MSRA: variants seen among roughly 807,000 people sequenced by gnomAD.
MSRA encodes the protein methionine sulfoxide reductase A, also known as mitochondrial peptide methionine sulfoxide reductase.
MSRA carries 54 observed loss-of-function variants against 31.3 expected under a neutral mutation model. The observed-to-expected ratio is 1.73, with a 90% CI of 1.39 to 2.17. The LOEUF (loss-of-function observed/expected upper bound fraction) is 2.17, where lower values mean the gene tolerates loss of function less well. MSRA is among the 30% of genes most tolerant of loss of function. The pLI is 0.00. For missense variants in MSRA, 507 were observed against 300.9 expected (o/e 1.69, Z -5.07); for synonymous variants, 169 against 116.5 (o/e 1.45, Z -2.90).
intron 5 of MSRA, among the ~76,000 whole-genome samples, chr8:10,366,367 C>A (rs746123236): frequency 6.6e-6 from 1 of 152,218 alleles, no homozygotes; most frequent in Non-Finnish European, 1.5e-5. Context: ...TCGGAAGATG[C>A]GAGGGCCCCA....
chr8:10,184,770 C>G (rs1806872151), intron 1 of MSRA, among the ~76,000 whole-genome samples: 1 of 152,142 alleles, frequency 6.6e-6, no homozygotes, highest in African/African-American at 2.4e-5. Flanking sequence ...AGTTAGTTTA[C>G]ATGTCAAAGG....
chr8:10,313,487 AC>A (rs1405947437), intron 4 of MSRA, among the ~76,000 whole-genome samples: 1 of 152,084 alleles, frequency 6.6e-6, no homozygotes, highest in Non-Finnish European at 1.5e-5. Context: ...AAAACAAAAA[AC>A]AAACAAACAA....
chr8:10,367,727 C>G (rs1192378653), intron 5 of MSRA, among the ~76,000 whole-genome samples: 2 of 152,210 alleles, frequency 1.3e-5, no homozygotes, highest in African/African-American at 4.8e-5. Flanking sequence ...TGCTCTGTCT[C>G]CGGCGCTGGC....
intron 5 of MSRA, among the ~76,000 whole-genome samples, chr8:10,372,162 C>T (rs1412411186): frequency 6.6e-6 from 1 of 152,136 alleles, no homozygotes; most frequent in African/African-American, 2.4e-5. Flanking sequence ...CCAGGCAGGG[C>T]CTTCCCACCT....
At chr8:10,244,253 G>T (rs1032502631) in intron 2 of MSRA, among the ~76,000 whole-genome samples, 3 of 152,136 alleles carry the variant, frequency 2.0e-5, no homozygotes, top group African/African-American at 7.2e-5. Flanking sequence ...AACACCAATT[G>T]TACTGGACAG....
chr8:10,417,774 G>GTGTC (rs1419106965), intron 5 of MSRA, among the ~76,000 whole-genome samples: 2 of 151,266 alleles, frequency 1.3e-5, no homozygotes, highest in Admixed American at 1.3e-4. Flanking sequence ...GTGTGTGTGT[G>GTGTC]TGTGTCTGTG....
Position 10,242,997 on chromosome 8 carries a change from G to A in MSRA, c.212-2107G>A, listed in dbSNP as rs565204351. 1.4e-4 allele frequency among the ~76,000 whole-genome samples: 21 copies of A among 152,200 alleles called. No individual in the cohort carries two copies. The East Asian group carries it at 4.1e-3, about 29-fold the overall frequency. On this transcript the variant is annotated intron_variant, in intron 2 of 5. Coordinates refer to ENST00000317173, the MANE Select transcript of MSRA (RefSeq NM_012331.5). ...GGGGTCATTTCTTGATCCCTATTAAGCATTAAAAGGGGATTAAATATCTCT... is the reference window on the plus strand; with the variant it reads ...GGGGTCATTTCTTGATCCCTATTAAACATTAAAAGGGGATTAAATATCTCT...
chr8:10,100,476 G>C (rs1045419909), intron 1 of MSRA, among the ~76,000 whole-genome samples: 2 of 151,932 alleles, frequency 1.3e-5, no homozygotes, highest in East Asian at 4.0e-4. Flanking sequence ...GAAGGTCAAA[G>C]GTCTGTGGCC....
intron 1 of MSRA, among the ~76,000 whole-genome samples, chr8:10,120,083 ACCGAGTCTCCCATCAGTGTAT>A (rs1448465721): frequency 6.6e-6 from 1 of 152,154 alleles, no homozygotes; most frequent in Non-Finnish European, 1.5e-5. Flanking sequence ...GGGAAGAAAT[ACCGAGTCTCCCATCAGTGTAT>A]CCCATTGGCC....
intron 3 of MSRA, among the ~76,000 whole-genome samples, chr8:10,287,853 C>A (rs1800020727): frequency 6.6e-6 from 1 of 152,128 alleles, no homozygotes; most frequent in African/African-American, 2.4e-5. Context: ...CGTTCTCAAG[C>A]TGTGTCACTG....
intron 3 of MSRA, among the ~76,000 whole-genome samples, chr8:10,287,118 G>T (rs1296294350): frequency 6.6e-6 from 1 of 152,188 alleles, no homozygotes; most frequent in Non-Finnish European, 1.5e-5. Flanking sequence ...CATCATCAGA[G>T]ATCTACTAGT....
intron 2 of MSRA, among the ~76,000 whole-genome samples, chr8:10,242,910 G>T (rs1427132705): frequency 6.6e-6 from 1 of 152,154 alleles, no homozygotes; most frequent in African/African-American, 2.4e-5. Flanking sequence ...CGCTGTTTCA[G>T]CCACACGTGG....
chr8:10,275,577 G>A (rs893692325), intron 3 of MSRA, among the ~76,000 whole-genome samples: 14 of 152,202 alleles, frequency 9.2e-5, no homozygotes, highest in African/African-American at 2.9e-4. Context: ...TCTGCTTGAA[G>A]TAATTGGAAC....
chr8:10,311,907 A>G (rs996334144), intron 4 of MSRA, among the ~76,000 whole-genome samples: 1 of 152,222 alleles, frequency 6.6e-6, no homozygotes, highest in African/African-American at 2.4e-5. Flanking sequence ...ACAGAGCAAG[A>G]GCTTGCCTGA....
chr8:10,425,031 G>C (rs533789326), intron 5 of MSRA, among the ~76,000 whole-genome samples: 4 of 152,330 alleles, frequency 2.6e-5, no homozygotes, highest in East Asian at 3.9e-4. Context: ...TGCAAGTGAG[G>C]CAGCGGACGA....
chr8:10,310,221 G>A (rs530797622), intron 4 of MSRA, among the ~76,000 whole-genome samples: 2 of 152,194 alleles, frequency 1.3e-5, no homozygotes, highest in Non-Finnish European at 2.9e-5. Context: ...TGCAGACTCG[G>A]ATTGGAAGAA....
intron 1 of MSRA, among the ~76,000 whole-genome samples, chr8:10,198,153 A>C (rs974115090): frequency 6.6e-6 from 1 of 152,200 alleles, no homozygotes; most frequent in Admixed American, 6.5e-5. Flanking sequence ...TTAGCAAAGA[A>C]ATATTTGCTT....
intron 5 of MSRA, among the ~76,000 whole-genome samples, chr8:10,373,298 G>C (rs114446472): frequency 0.01 from 1,539 of 152,398 alleles, 23 homozygotes; most frequent in African/African-American, 0.035. Flanking sequence ...AGGACTGAAA[G>C]ATTAGGTAAA....
intron 5 of MSRA, among the ~76,000 whole-genome samples, chr8:10,387,310 T>G (rs889795792): frequency 2.6e-5 from 4 of 152,252 alleles, no homozygotes; most frequent in African/African-American, 9.6e-5. Flanking sequence ...GTTGTCATTT[T>G]AGGGGTGAAG....
Sources: allele counts gnomAD v4.1 joint callset (sites outside exome capture counted in the v4.1 genomes callset), GRCh38; gene constraint gnomAD v4.1.1; transcripts MANE v1.5; gene names NCBI Gene and HGNC (gene_info 2026-07-23, HGNC 2026-07-21).